Variants in TCF7L2 observed in about 807,000 individuals in gnomAD.
TCF7L2 encodes the protein transcription factor 7-like 2.
In TCF7L2, 23 loss-of-function variants were observed where a neutral mutation model predicts 77.9. That is an observed-to-expected ratio of 0.30 (90% CI 0.21 to 0.42). TCF7L2 has a LOEUF of 0.42. Among genes scored for constraint, TCF7L2 ranks in the 10% least tolerant of loss-of-function variants. TCF7L2 has a pLI of 1.00. For synonymous variants in TCF7L2, 413 were observed against 340.2 expected (o/e 1.21, Z -2.36); for missense variants, 654 against 793.1 (o/e 0.82, Z 2.11).
intron 4 of TCF7L2, among the ~76,000 whole-genome samples, chr10:112,985,035 T>C (rs1309310320): frequency 1.3e-5 from 2 of 152,166 alleles, no homozygotes; most frequent in Non-Finnish European, 2.9e-5. Flanking sequence ...AAAATGGGGA[T>C]AAAACCTCTC....
intron 5 of TCF7L2, among the ~76,000 whole-genome samples, chr10:113,078,150 A>C (rs1439815132): frequency 4.0e-5 from 6 of 151,844 alleles, no homozygotes; most frequent in African/African-American, 1.2e-4. Context: ...AAATTAAGCT[A>C]GTTCATATTT....
chr10:112,979,241 C>T (rs2040020239), intron 4 of TCF7L2, among the ~76,000 whole-genome samples: 1 of 152,196 alleles, frequency 6.6e-6, no homozygotes, highest in Non-Finnish European at 1.5e-5. Context: ...TGCACTCTTG[C>T]CTCAGTACCC....
intron 11 of TCF7L2, among the ~76,000 whole-genome samples, chr10:113,154,908 C>CT (rs2071536715): frequency 6.6e-6 from 1 of 151,938 alleles, no homozygotes; most frequent in African/African-American, 2.4e-5. Flanking sequence ...CTTTTATGCG[C>CT]TAGGGAACAC....
intron 4 of TCF7L2, among the ~76,000 whole-genome samples, chr10:112,978,976 C>T (rs2039971026): frequency 6.6e-6 from 1 of 152,098 alleles, no homozygotes; most frequent in Non-Finnish European, 1.5e-5. Flanking sequence ...TGCTATGATT[C>T]CACTTTTTAT....
intron 5 of TCF7L2, among the ~76,000 whole-genome samples, chr10:113,107,176 A>G (rs905040026): frequency 6.6e-6 from 1 of 152,090 alleles, no homozygotes; most frequent in African/African-American, 2.4e-5. Flanking sequence ...ATGTCAGCAG[A>G]GCTTGGCCTG....
At chr10:113,118,113 G>A (rs1293947716) in intron 5 of TCF7L2, among the ~76,000 whole-genome samples, 1 of 152,130 alleles carries the variant, frequency 6.6e-6, no homozygotes, top group Non-Finnish European at 1.5e-5. Context: ...AGACGGGGTC[G>A]AGAATTTACT....
intron 4 of TCF7L2, among the ~76,000 whole-genome samples, chr10:113,000,073 A>G (rs1266894508): frequency 1.3e-5 from 2 of 152,220 alleles, no homozygotes; most frequent in Non-Finnish European, 2.9e-5. Context: ...GAAGATGTTC[A>G]TTAGGATATT....
intron 5 of TCF7L2, among the ~76,000 whole-genome samples, chr10:113,109,157 A>G (rs1376067186): frequency 2.0e-5 from 3 of 152,320 alleles, no homozygotes; most frequent in Non-Finnish European, 2.9e-5. Flanking sequence ...GGCATTTTCC[A>G]TCATGAACCC....
chr10:113,036,516 G>A (rs1268962385), intron 4 of TCF7L2, among the ~76,000 whole-genome samples: 2 of 152,004 alleles, frequency 1.3e-5, no homozygotes, highest in Non-Finnish European at 2.9e-5. Context: ...CATTGGTGTT[G>A]TATATATTTC....
At chr10:112,992,128 C>G (rs1275225553) in intron 4 of TCF7L2, among the ~76,000 whole-genome samples, 1 of 152,130 alleles carries the variant, frequency 6.6e-6, no homozygotes, top group African/African-American at 2.4e-5. Flanking sequence ...GCCTGTTGGT[C>G]AGGCCTTGGA....
intron 5 of TCF7L2, among the ~76,000 whole-genome samples, chr10:113,113,154 A>C (rs1564911142): frequency 6.6e-6 from 1 of 152,096 alleles, no homozygotes; most frequent in Non-Finnish European, 1.5e-5. Flanking sequence ...ACACTGGCCA[A>C]CCCGGTCTGC....
intron 3 of TCF7L2, among the ~76,000 whole-genome samples, chr10:112,961,488 G>A (rs761782501): frequency 4.6e-5 from 7 of 152,074 alleles, no homozygotes; most frequent in Non-Finnish European, 7.4e-5. Flanking sequence ...AGTTTACTGG[G>A]TGTTTGTATT....
chr10:113,111,235 G>T (rs918629420), intron 5 of TCF7L2, among the ~76,000 whole-genome samples: 1 of 152,156 alleles, frequency 6.6e-6, no homozygotes, highest in Admixed American at 6.5e-5. Flanking sequence ...ACTCTGGGGT[G>T]TATCTGTCAG....
chr10:112,953,339 G>T (rs1011613431), intron 3 of TCF7L2, among the ~76,000 whole-genome samples: 3 of 152,184 alleles, frequency 2.0e-5, no homozygotes, highest in Non-Finnish European at 2.9e-5. Flanking sequence ...CCACCAGGCT[G>T]CAGGGGCCGC....
intron 4 of TCF7L2, among the ~76,000 whole-genome samples, chr10:112,981,708 C>A (rs1295280231): frequency 6.6e-6 from 1 of 152,210 alleles, no homozygotes; most frequent in East Asian, 1.9e-4. Context: ...ACATGCAAAG[C>A]AGATATGGTT....
At chr10:113,073,503 C>CAAAAAAAAAAAAAA (rs35730806) in intron 5 of TCF7L2, among the ~76,000 whole-genome samples, 1 of 43,966 alleles carries the variant, frequency 2.3e-5, no homozygotes, top group South Asian at 8.0e-4. Context: ...CGGTCTCTAC[C>CAAAAAAAAAAAAAA]AAAAAAAAAA....
At chr10:112,980,931 A>C (rs2040374279) in intron 4 of TCF7L2, among the ~76,000 whole-genome samples, 1 of 152,154 alleles carries the variant, frequency 6.6e-6, no homozygotes, top group African/African-American at 2.4e-5. Context: ...CGGCCAAAGC[A>C]TTTGTTTCTT....
intron 6 of TCF7L2, among the ~76,000 whole-genome samples, chr10:113,143,510 T>A (rs937087347): frequency 3.3e-5 from 5 of 152,204 alleles, no homozygotes; most frequent in Admixed American, 2.0e-4. Context: ...GAGGAGTAGC[T>A]CTTGTGCAGG....
Position 113,034,659 on chromosome 10 carries a change from G to A in TCF7L2, c.451-5366G>A, listed in dbSNP as rs192950004. Among the ~76,000 whole-genome samples, 14 of 152,284 alleles carry A rather than the reference G, an allele frequency of 9.2e-5. No homozygotes were observed. The East Asian group carries it at 2.3e-3, about 25-fold the overall frequency. ...ACCTGTAATCCCAGCACTTTGGGAG[G>A]CTGAGGTGGGAGGGTCATCTGAGGT... On this transcript the variant is annotated intron_variant, in intron 4 of 13. Coordinates refer to ENST00000627217, the MANE Select transcript of TCF7L2 (RefSeq NM_001146274.2).
Sources: allele counts gnomAD v4.1 joint callset (sites outside exome capture counted in the v4.1 genomes callset), GRCh38; gene constraint gnomAD v4.1.1; transcripts MANE v1.5; gene names NCBI Gene and HGNC (gene_info 2026-07-23, HGNC 2026-07-21).